The following SKAP1 variants were observed in gnomAD, a reference collection of about 807,000 sequenced individuals.
The protein encoded by SKAP1 is src kinase associated phosphoprotein 1, also known as src kinase-associated phosphoprotein 1.
In SKAP1, 44 loss-of-function variants were observed where a neutral mutation model predicts 58.5. That is an observed-to-expected ratio of 0.75 (90% CI 0.59 to 0.97). The LOEUF is 0.97. Ranked by LOEUF, SKAP1 falls within the 50% of genes least tolerant of loss-of-function variation. The pLI is 0.00. For missense variants in SKAP1, 390 were observed against 435.2 expected, an observed-to-expected ratio of 0.90 and a Z score of 0.92; for synonymous variants, 127 against 149.7, an observed-to-expected ratio of 0.85 and a Z score of 1.11.
At chr17:48,360,194 T>G (rs1342884324) in intron 3 of SKAP1, among the ~76,000 whole-genome samples, 1 of 152,152 alleles carries the variant, frequency 6.6e-6, no homozygotes, top group Non-Finnish European at 1.5e-5. Context: ...CCTAGATTTT[T>G]ATTTAAATAT....
At chr17:48,443,784 T>A in the SKAP1 span, among the ~76,000 whole-genome samples, 3 of 152,214 alleles carry the variant, frequency 2.0e-5, no homozygotes, top group African/African-American at 4.8e-5. Context: ...CCTGTTGGGT[T>A]TTTTAAAAAT....
At chr17:48,349,868 T>C (rs1315848728) in intron 3 of SKAP1, among the ~76,000 whole-genome samples, 1 of 152,234 alleles carries the variant, frequency 6.6e-6, no homozygotes, top group African/African-American at 2.4e-5. Context: ...TTTTATTCCC[T>C]GTGTTTTCAT....
chr17:48,215,849 A>G (rs548185025), intron 4 of SKAP1, among the ~76,000 whole-genome samples: 1 of 152,248 alleles, frequency 6.6e-6, no homozygotes, highest in Admixed American at 6.5e-5. Flanking sequence ...AATTGGAGAC[A>G]GTTTTCCTCC....
At chr17:48,387,735 T>C (rs1042526450) in intron 2 of SKAP1, among the ~76,000 whole-genome samples, 1 of 152,234 alleles carries the variant, frequency 6.6e-6, no homozygotes, top group Non-Finnish European at 1.5e-5. Flanking sequence ...AATTATAAAA[T>C]TGAGTTCCAT....
At chr17:48,383,198 T>C (rs1457538824) in intron 2 of SKAP1, among the ~76,000 whole-genome samples, 1 of 152,228 alleles carries the variant, frequency 6.6e-6, no homozygotes, top group Non-Finnish European at 1.5e-5. Context: ...AAATCAATCA[T>C]GGTGACTGAT....
At chr17:48,356,530 T>C in intron 3 of SKAP1, among the ~76,000 whole-genome samples, 1 of 152,166 alleles carries the variant, frequency 6.6e-6, no homozygotes, top group Non-Finnish European at 1.5e-5. Context: ...ATTTCTTGGG[T>C]GTTCTATGAA....
chr17:48,211,012 T>C (rs2064865109), intron 4 of SKAP1, among the ~76,000 whole-genome samples: 1 of 152,114 alleles, frequency 6.6e-6, no homozygotes. Context: ...ATAAAAAGAC[T>C]GGGGGGAGGC....
At chr17:48,281,289 G>A (rs1426005920) in intron 4 of SKAP1, among the ~76,000 whole-genome samples, 1 of 152,172 alleles carries the variant, frequency 6.6e-6, no homozygotes, top group Non-Finnish European at 1.5e-5. Flanking sequence ...CTCTCAAAGT[G>A]CTAGAATTAC....
intron 10 of SKAP1, among the ~76,000 whole-genome samples, chr17:48,163,216 T>C (rs1200250233): frequency 6.6e-6 from 1 of 152,240 alleles, no homozygotes; most frequent in Non-Finnish European, 1.5e-5. Context: ...ATCTCATTTG[T>C]AGACCTTGAA....
intron 4 of SKAP1, among the ~76,000 whole-genome samples, chr17:48,269,067 C>A (rs1216230350): frequency 2.0e-5 from 3 of 151,764 alleles, no homozygotes; most frequent in African/African-American, 7.3e-5. Context: ...TAATGCACCA[C>A]AAGTAGAAGA....
rs191992926 is a variant in SKAP1, at chr17:48,275,570, C to G, written c.280+70335G>C. Among the ~76,000 whole-genome samples, 869 of 152,256 alleles carry G rather than the reference C, an allele frequency of 5.7e-3. 2 individuals carry two copies. Among genetic ancestry groups the G allele is most frequent in the Non-Finnish European group, 8.8e-3 (602 of 68,030 alleles). On this transcript the variant is annotated intron_variant, in intron 4 of 12. Transcript: ENST00000336915. ...AAAGCCTTTCATTTGAAGTTTTGAA[C>G]TTGTAATTCCATGTTCCCAGTGTGT...
chr17:48,403,795 T>C (rs2067532970), intron 1 of SKAP1, among the ~76,000 whole-genome samples: 1 of 151,998 alleles, frequency 6.6e-6, no homozygotes, highest in South Asian at 2.1e-4. Context: ...ACAAGTTAAA[T>C]CTAGATCACA....
chr17:48,334,775 A>T (rs928602859), intron 4 of SKAP1, among the ~76,000 whole-genome samples: 3 of 151,878 alleles, frequency 2.0e-5, no homozygotes, highest in African/African-American at 7.2e-5. Flanking sequence ...AAGATGTTTG[A>T]TCTGTAGGTT....
chr17:48,256,434 C>T lies in SKAP1; in HGVS notation c.281-66934G>A, dbSNP rs377052193. Among the ~76,000 whole-genome samples, 4 of 151,944 alleles carry T rather than the reference C, an allele frequency of 2.6e-5. No individual in the cohort carries two copies. In the East Asian group the frequency reaches 5.8e-4, roughly 22 times the overall value. ...AAGATACTTTTAAATATCAAGTCTA[C>T]AAATAAAAAGAAACAAAAATATTTT... On this transcript the variant is annotated intron_variant, in intron 4 of 12. Transcript: ENST00000336915.
chr17:48,378,448 T>C (rs985249258), intron 2 of SKAP1, among the ~76,000 whole-genome samples: 1 of 152,176 alleles, frequency 6.6e-6, no homozygotes, highest in African/African-American at 2.4e-5. Context: ...CTCCAATAAA[T>C]GTCAGCTGTT....
intron 4 of SKAP1, among the ~76,000 whole-genome samples, chr17:48,216,503 T>G (rs2064940758): frequency 6.6e-6 from 1 of 152,058 alleles, no homozygotes. Context: ...ACTTTTTTTT[T>G]TTTTTTGAGA....
chr17:48,185,469 A>C (rs773861517), intron 6 of SKAP1, among the ~76,000 whole-genome samples: 40 of 152,190 alleles, frequency 2.6e-4, no homozygotes, highest in Admixed American at 7.9e-4. Context: ...GATAAAAGGA[A>C]AAGGACCATA....
At chr17:48,330,934 A>G (rs2066498440) in intron 4 of SKAP1, among the ~76,000 whole-genome samples, 1 of 152,194 alleles carries the variant, frequency 6.6e-6, no homozygotes, top group Non-Finnish European at 1.5e-5. Context: ...TGATTCCTTT[A>G]TCTCTCAGAG....
chr17:48,172,935 G>A (rs1413283211), intron 9 of SKAP1, among the ~76,000 whole-genome samples: 1 of 152,152 alleles, frequency 6.6e-6, no homozygotes, highest in East Asian at 1.9e-4. Context: ...CAGCACTCTG[G>A]TAGGCTGAGA....
Sources: gnomAD v4.1 joint callset for allele counts (sites outside exome capture counted in the v4.1 genomes callset) on GRCh38, gnomAD v4.1.1 for gene constraint, MANE v1.5 for transcripts, NCBI Gene and HGNC (gene_info 2026-07-23, HGNC 2026-07-21) for gene names.